THSD7B: variants seen among roughly 807,000 people sequenced by gnomAD.
The protein encoded by THSD7B is thrombospondin type 1 domain containing 7B.
In THSD7B, 138 loss-of-function variants were observed where a neutral mutation model predicts 213.6. The observed-to-expected ratio is 0.65, with a 90% CI of 0.56 to 0.74. THSD7B has a LOEUF of 0.74. Ranked by LOEUF, THSD7B falls within the 30% of genes least tolerant of loss-of-function variation. The probability of loss-of-function intolerance (pLI) is 0.00; values close to 1 mark genes in which losing one functional copy is unlikely to be tolerated. For missense variants in THSD7B, 1,931 were observed against 1,991.5 expected (o/e 0.97, Z 0.58); for synonymous variants, 742 against 687.0 (o/e 1.08, Z -1.25).
intron 2 of THSD7B, among the ~76,000 whole-genome samples, chr2:136,985,900 G>A (rs956856481): frequency 3.9e-5 from 6 of 152,246 alleles, no homozygotes; most frequent in African/African-American, 1.2e-4. Context: ...TTGCATCAGC[G>A]TGCCCTGGAT....
intron 2 of THSD7B, among the ~76,000 whole-genome samples, chr2:136,932,614 CAAGG>C (rs1387656134): frequency 6.6e-6 from 1 of 151,988 alleles, no homozygotes; most frequent in Non-Finnish European, 1.5e-5. Flanking sequence ...GAGAAAATCA[CAAGG>C]AAGAGAAAAT....
chr2:137,345,833 G>T (rs543134593), intron 12 of THSD7B, among the ~76,000 whole-genome samples: 1 of 151,348 alleles, frequency 6.6e-6, no homozygotes, highest in Non-Finnish European at 1.5e-5. Flanking sequence ...GGAAAAGAAA[G>T]GATAAGAGAC....
chr2:137,052,212 G>A (rs1210077473), intron 2 of THSD7B, among the ~76,000 whole-genome samples: 1 of 152,124 alleles, frequency 6.6e-6, no homozygotes, highest in African/African-American at 2.4e-5. Context: ...CTATTCAACA[G>A]CAGCTATATT....
At chr2:136,846,317 AG>A (rs1486645481) in intron 1 of THSD7B, among the ~76,000 whole-genome samples, 1 of 152,146 alleles carries the variant, frequency 6.6e-6, no homozygotes, top group Non-Finnish European at 1.5e-5. Context: ...GGTACTGAGC[AG>A]ATGTCTTGAA....
chr2:136,775,538 G>T (rs1224934557), intron 1 of THSD7B, among the ~76,000 whole-genome samples: 1 of 152,062 alleles, frequency 6.6e-6, no homozygotes, highest in Non-Finnish European at 1.5e-5. Flanking sequence ...AAATTATTTT[G>T]TTCAGGGGAT....
In THSD7B at chr2:137,563,222, T is replaced by A; in HGVS notation, c.3140T>A (p.Val1047Glu). The A allele has an allele frequency of 6.2e-7, 1 of 1,613,098 alleles. No individual in the cohort carries two copies. Among genetic ancestry groups the A allele is most frequent in the Non-Finnish European group, 8.5e-7 (1 of 1,179,378 alleles). Residue 1047 changes from valine (V) to glutamate (E), a missense_variant and splice_region_variant, in exon 16 of 28, where the codon GTA becomes GAA. By Grantham distance (121) the Val-to-Glu change is moderately radical. Transcript: ENST00000409968. Reference sequence around the variant, plus strand: ...TTGTTTCTTTCCTGTTCTTGACAGGTACATGAGGCAGTCCCATGTTACAGT... The same window carrying A: ...TTGTTTCTTTCCTGTTCTTGACAGGAACATGAGGCAGTCCCATGTTACAGT... The part of the protein sequence containing the change: ...PCPKLDLKNQ[V>E]HEAVPCYSEC...
At chr2:137,418,252 A>G (rs1686842123) in intron 14 of THSD7B, among the ~76,000 whole-genome samples, 1 of 152,116 alleles carries the variant, frequency 6.6e-6, no homozygotes. Context: ...TGGCCCATCC[A>G]CTGTCCTCAC....
intron 15 of THSD7B, among the ~76,000 whole-genome samples, chr2:137,473,078 C>A (rs1487684977): frequency 6.6e-6 from 1 of 150,618 alleles, no homozygotes; most frequent in East Asian, 2.0e-4. Flanking sequence ...TCATTGCAAA[C>A]AAATACTATT....
chr2:137,336,814 G>C (rs1201860858), intron 12 of THSD7B, among the ~76,000 whole-genome samples: 2 of 152,036 alleles, frequency 1.3e-5, no homozygotes, highest in Non-Finnish European at 2.9e-5. Flanking sequence ...TTTTTTAAAA[G>C]TATTCAAAAA....
chr2:136,947,619 C>A (rs539266520), intron 2 of THSD7B, among the ~76,000 whole-genome samples: 1 of 152,106 alleles, frequency 6.6e-6, no homozygotes, highest in South Asian at 2.1e-4. Context: ...CTGTCTTGCC[C>A]CTGGTCACGT....
At chr2:137,437,921 C>T (rs1687326573) in intron 14 of THSD7B, among the ~76,000 whole-genome samples, 2 of 152,044 alleles carry the variant, frequency 1.3e-5, no homozygotes, top group South Asian at 4.1e-4. Context: ...AGGTTTTGGC[C>T]TTGAGGAGAA....
At chr2:137,181,529 C>T (rs1373766532) in intron 7 of THSD7B, among the ~76,000 whole-genome samples, 1 of 152,126 alleles carries the variant, frequency 6.6e-6, no homozygotes, top group Non-Finnish European at 1.5e-5. Context: ...TCCATTATAG[C>T]TGCCTAGCAA....
chr2:137,378,570 A>G (rs1030793145), intron 12 of THSD7B, among the ~76,000 whole-genome samples: 3 of 152,214 alleles, frequency 2.0e-5, no homozygotes, highest in Admixed American at 2.0e-4. Context: ...AACATCATCC[A>G]TGGGCTACAT....
intron 14 of THSD7B, among the ~76,000 whole-genome samples, chr2:137,447,667 C>A (rs1179621040): frequency 7.0e-6 from 1 of 143,330 alleles, no homozygotes; most frequent in Non-Finnish European, 1.6e-5. Context: ...CCAGAAGGAT[C>A]TTTTCTGATG....
intron 2 of THSD7B, among the ~76,000 whole-genome samples, chr2:136,984,308 G>T (rs574405890): frequency 6.6e-6 from 1 of 152,222 alleles, no homozygotes; most frequent in African/African-American, 2.4e-5. Flanking sequence ...TGGAGGTGGG[G>T]CCTGGTGGGA....
chr2:137,513,897 C>CA (rs1680018083), intron 15 of THSD7B, among the ~76,000 whole-genome samples: 2 of 152,208 alleles, frequency 1.3e-5, no homozygotes, highest in Non-Finnish European at 2.9e-5. Flanking sequence ...GCCAGACACA[C>CA]ATACTTTGTG....
intron 3 of THSD7B, among the ~76,000 whole-genome samples, chr2:137,076,391 TG>T (rs1411645756): frequency 6.6e-6 from 1 of 152,208 alleles, no homozygotes; most frequent in African/African-American, 2.4e-5. Flanking sequence ...CTCCGAGCCA[TG>T]TGAGGGATAT....
At chr2:137,664,184 G>C (rs1273615976) in intron 26 of THSD7B, among the ~76,000 whole-genome samples, 1 of 152,048 alleles carries the variant, frequency 6.6e-6, no homozygotes, top group African/African-American at 2.4e-5. Flanking sequence ...AATTATCTCT[G>C]AAAAATGATC....
intron 12 of THSD7B, among the ~76,000 whole-genome samples, chr2:137,303,304 G>A (rs1683650944): frequency 6.6e-6 from 1 of 152,182 alleles, no homozygotes; most frequent in Admixed American, 6.5e-5. Context: ...TGACAGGCAT[G>A]AGCCACTGCC....
Sources: allele counts gnomAD v4.1 joint callset (sites outside exome capture counted in the v4.1 genomes callset), GRCh38; gene constraint gnomAD v4.1.1; transcripts MANE v1.5; gene names NCBI Gene and HGNC (gene_info 2026-07-23, HGNC 2026-07-21).